The following DCC variants were observed in gnomAD, a reference collection of about 807,000 sequenced individuals.
DCC encodes the protein netrin receptor DCC.
Under a neutral mutation model 172.5 loss-of-function variants are expected in DCC, and 58 were observed. The observed-to-expected ratio is 0.34, with a 90% confidence interval of 0.27 to 0.42. DCC has a LOEUF of 0.42. Ranked by LOEUF, DCC falls within the 10% of genes least tolerant of loss-of-function variation. The pLI, the probability that DCC is intolerant of heterozygous loss-of-function variation, is 1.00. For missense variants in DCC, 1,740 were observed against 1,791.0 expected, an observed-to-expected ratio of 0.97 and a Z score of 0.51; for synonymous variants, 709 against 644.5, an observed-to-expected ratio of 1.10 and a Z score of -1.52.
At chr18:52,864,305 G>C (rs953062109) in intron 2 of DCC, among the ~76,000 whole-genome samples, 1 of 152,140 alleles carries the variant, frequency 6.6e-6, no homozygotes, top group Non-Finnish European at 1.5e-5. Flanking sequence ...CAAGAAGTCT[G>C]GGTGTGTTAG....
At chr18:53,093,460 A>G (rs2144189768) in intron 7 of DCC, among the ~76,000 whole-genome samples, 1 of 152,288 alleles carries the variant, frequency 6.6e-6, no homozygotes. Flanking sequence ...AATGATCATA[A>G]GGCTGATAAG....
intron 1 of DCC, among the ~76,000 whole-genome samples, chr18:52,574,221 T>G (rs2033362013): frequency 6.6e-6 from 1 of 152,230 alleles, no homozygotes; most frequent in South Asian, 2.1e-4. Flanking sequence ...TCCTGTGAAA[T>G]GTCAAGCCTT....
intron 7 of DCC, among the ~76,000 whole-genome samples, chr18:53,108,469 T>C (rs11082966): frequency 0.16 from 23,643 of 151,808 alleles, 2,309 homozygotes; most frequent in African/African-American, 0.27. Flanking sequence ...TAGTATAATG[T>C]AATTTAATTA....
At chr18:52,378,776 G>A (rs1483023705) in intron 1 of DCC, among the ~76,000 whole-genome samples, 7 of 152,050 alleles carry the variant, frequency 4.6e-5, no homozygotes, top group African/African-American at 1.2e-4. Context: ...TGGAACTCCT[G>A]GGATAAAGCA....
At chr18:53,323,587 A>G (rs2057435092) in intron 14 of DCC, among the ~76,000 whole-genome samples, 1 of 152,134 alleles carries the variant, frequency 6.6e-6, no homozygotes. Flanking sequence ...TGTTGTAGTT[A>G]AAACCTGATT....
At chr18:53,049,786 T>G (rs1599069570) in intron 5 of DCC, among the ~76,000 whole-genome samples, 1 of 152,060 alleles carries the variant, frequency 6.6e-6, no homozygotes, top group Non-Finnish European at 1.5e-5. Context: ...CTTTGCGCAA[T>G]GTACTAGTCA....
chr18:53,343,909 A>G (rs11082980), intron 15 of DCC, among the ~76,000 whole-genome samples: 24,779 of 151,690 alleles, frequency 0.16, 2,558 homozygotes, highest in African/African-American at 0.28. Context: ...CATCCATTTC[A>G]TTTTGTCTCT....
chr18:52,950,741 G>A (rs934774035), intron 5 of DCC, among the ~76,000 whole-genome samples: 2 of 151,490 alleles, frequency 1.3e-5, no homozygotes, highest in Admixed American at 1.3e-4. Context: ...TGGCTAACAC[G>A]GTGAAACCCC....
chr18:53,435,350 A>ACCT, intron 22 of DCC, 141 bp downstream of exon 22: 1 of 626,254 alleles, frequency 1.6e-6, no homozygotes, highest in Admixed American at 2.5e-5. Context: ...AGAAACATGA[A>ACCT]GTTATTAAAA....
intron 12 of DCC, among the ~76,000 whole-genome samples, chr18:53,221,750 G>A (rs1245983662): frequency 6.6e-6 from 1 of 152,084 alleles, no homozygotes; most frequent in Non-Finnish European, 1.5e-5. Flanking sequence ...TCCATTTTTA[G>A]ATCCCCTTTC....
At chr18:53,475,094 T>C (rs2045746097) in intron 25 of DCC, among the ~76,000 whole-genome samples, 1 of 152,166 alleles carries the variant, frequency 6.6e-6, no homozygotes, top group Non-Finnish European at 1.5e-5. Flanking sequence ...GAGAGATGAT[T>C]TAGAGTATCT....
At chr18:53,022,770 G>A (rs1418734299) in intron 5 of DCC, among the ~76,000 whole-genome samples, 1 of 151,828 alleles carries the variant, frequency 6.6e-6, no homozygotes, top group African/African-American at 2.4e-5. Flanking sequence ...TTCTTGATAA[G>A]CCTTTCTTTT....
intron 1 of DCC, among the ~76,000 whole-genome samples, chr18:52,578,479 G>A (rs557666010): frequency 1.3e-5 from 2 of 152,206 alleles, no homozygotes; most frequent in South Asian, 2.1e-4. Context: ...TTTTTAATTC[G>A]AAGTTTTTGT....
Position 52,572,010 on chromosome 18 carries a change from A to G in DCC, c.92-180044A>G, listed in dbSNP as rs577887072. Among the ~76,000 whole-genome samples, 3 of 152,372 alleles carry G rather than the reference A, an allele frequency of 2.0e-5. No homozygotes were observed. The South Asian group carries it at 6.2e-4, about 32-fold the overall frequency. ...TGGACATAGAACATATGTAACATAT[A>G]TGTTACATGGAATACAATATGACTG... is the stretch of plus-strand genomic sequence containing the variant. On this transcript the variant is annotated intron_variant, in intron 1 of 28. Coordinates refer to ENST00000442544, the MANE Select transcript of DCC (RefSeq NM_005215.4).
chr18:52,430,118 C>T (rs899093541), intron 1 of DCC, among the ~76,000 whole-genome samples: 5 of 152,028 alleles, frequency 3.3e-5, no homozygotes, highest in Admixed American at 3.3e-4. Flanking sequence ...GCCTGAAGAG[C>T]TTTTAGAGCT....
chr18:52,529,982 A>T (rs2032099320), intron 1 of DCC, among the ~76,000 whole-genome samples: 1 of 152,236 alleles, frequency 6.6e-6, no homozygotes, highest in Admixed American at 6.5e-5. Context: ...CTATAAAACA[A>T]AAATCTCTAC....
intron 1 of DCC, among the ~76,000 whole-genome samples, chr18:52,531,093 C>A (rs999175749): frequency 3.3e-5 from 5 of 152,176 alleles, no homozygotes; most frequent in Non-Finnish European, 5.9e-5. Flanking sequence ...TAAGCATTCA[C>A]ACATCTACTC....
At chr18:53,504,916 T>C (rs2046152143) in intron 27 of DCC, among the ~76,000 whole-genome samples, 2 of 151,310 alleles carry the variant, frequency 1.3e-5, no homozygotes, top group African/African-American at 4.8e-5. Flanking sequence ...AAATGTTTTT[T>C]TGTTTGTTTG....
intron 1 of DCC, among the ~76,000 whole-genome samples, chr18:52,402,440 T>C (rs1986476750): frequency 6.6e-6 from 1 of 152,024 alleles, no homozygotes; most frequent in Middle Eastern, 3.2e-3. Context: ...GTTCTCTTCA[T>C]CTTCCTTTCT....
Sources: gnomAD v4.1 joint callset for allele counts (sites outside exome capture counted in the v4.1 genomes callset) on GRCh38, gnomAD v4.1.1 for gene constraint, MANE v1.5 for transcripts, NCBI Gene and HGNC (gene_info 2026-07-23, HGNC 2026-07-21) for gene names.